The following PHACTR2 variants were observed in gnomAD, a reference collection of about 807,000 sequenced individuals.
PHACTR2 encodes phosphatase and actin regulator 2.
PHACTR2 carries 30 observed loss-of-function variants against 76.0 expected under a neutral mutation model. That is an observed-to-expected ratio of 0.39 (90% CI 0.30 to 0.54). The LOEUF (loss-of-function observed/expected upper bound fraction) is 0.54, where lower values mean the gene tolerates loss of function less well. Ranked by LOEUF, PHACTR2 falls within the 20% of genes least tolerant of loss-of-function variation. The pLI is 0.61. For missense variants in PHACTR2, 696 were observed against 781.1 expected (o/e 0.89, Z 1.30); for synonymous variants, 292 against 292.5 (o/e 1.00, Z 0.02).
rs115937659 is a variant in PHACTR2, at chr6:143,658,293, G to A, written c.13+49971G>A. 4.9e-3 allele frequency among the ~76,000 whole-genome samples: 739 copies of A among 152,264 alleles called. 8 individuals are homozygous for A. Among genetic ancestry groups the A allele is most frequent in the African/African-American group, 0.017 (694 of 41,556 alleles). ...TAGAAATACACCTTCAAATTAACAA[G>A]GGAAATTCAGGTGAAACTTAAATAT... On this transcript the variant is annotated intron_variant, in intron 1 of 11. Transcript: ENST00000305766. This position sits in a 1 kb window ranked among gnomAD's most constrained non-coding sequence, Gnocchi z 4.1.
intron 1 of PHACTR2, among the ~76,000 whole-genome samples, chr6:143,642,594 C>A (rs984119686): frequency 6.6e-6 from 1 of 152,138 alleles, no homozygotes; most frequent in Non-Finnish European, 1.5e-5. Flanking sequence ...AGGGTTGTTG[C>A]AGATGTAATT....
chr6:143,650,012 G>T (rs1776730588), intron 1 of PHACTR2, among the ~76,000 whole-genome samples: 1 of 152,144 alleles, frequency 6.6e-6, no homozygotes, highest in African/African-American at 2.4e-5. Context: ...CACAATCAAT[G>T]TACAAAAATT....
Position 143,597,525 on chromosome 6 carries a change from C to T in PHACTR2, c.217+60318C>T, listed in dbSNP as rs12527327. On this transcript the variant is annotated intron_variant, in intron 1 of 11. Transcript: ENST00000367584. This position sits in a 1 kb window ranked among gnomAD's most constrained non-coding sequence, Gnocchi z 5.7. ...TTGGAATAAGGTGTATTACATATGT[C>T]ATCTTTGCAGAGTTCAGTTGTAATT... Among the ~76,000 whole-genome samples the T allele has an allele frequency of 5.9e-5, 9 of 152,066 alleles. No individual in the cohort carries two copies. The highest frequency in any genetic ancestry group is 1.9e-4 in the African/African-American group (8 of 41,412).
chr6:143,724,661 C>T (rs1778518540), intron 2 of PHACTR2, among the ~76,000 whole-genome samples: 1 of 152,144 alleles, frequency 6.6e-6, no homozygotes, highest in African/African-American at 2.4e-5. Context: ...TTTTGGCAGC[C>T]CCTCTTGGAA....
At chr6:143,719,309 C>T (rs1374869342) in intron 2 of PHACTR2, among the ~76,000 whole-genome samples, 2 of 147,842 alleles carry the variant, frequency 1.4e-5, no homozygotes, top group African/African-American at 5.0e-5. Flanking sequence ...CACAGCACAT[C>T]TAGATCCACA....
chr6:143,541,774 A>G lies in PHACTR2; in HGVS notation c.217+4567A>G, dbSNP rs983461535. Among the ~76,000 whole-genome samples, 2 of 152,070 alleles carry G rather than the reference A, an allele frequency of 1.3e-5. No homozygotes were observed. The highest frequency in any genetic ancestry group is 4.8e-5 in the African/African-American group (2 of 41,432). ...CCACTTCCATGAGATACTGCTGTCC[A>G]AGACCAGTTCTGCTGTTGGGTCACC... On this transcript the variant is annotated intron_variant, in intron 1 of 11. Coordinates refer to the PHACTR2 transcript ENST00000367584. This position sits in a 1 kb window ranked among gnomAD's most constrained non-coding sequence, Gnocchi z 5.3.
At chr6:143,661,033 T>A (rs976719987) in intron 1 of PHACTR2, among the ~76,000 whole-genome samples, 1 of 152,192 alleles carries the variant, frequency 6.6e-6, no homozygotes, top group African/African-American at 2.4e-5. Context: ...ACTCTTCAAA[T>A]GGCAATATCA....
chr6:143,740,508 T>TAAAAAAAAAAAAAAAAAAAAA (rs10638908), intron 2 of PHACTR2, among the ~76,000 whole-genome samples: 1 of 128,686 alleles, frequency 7.8e-6, no homozygotes, highest in African/African-American at 2.9e-5. Context: ...TCCTTTTAAT[T>TAAAAAAAAAAAAAAAAAAAAA]AAAAAAAAAA....
chr6:143,545,453 G>A (rs1050043073), intron 1 of PHACTR2, among the ~76,000 whole-genome samples: 14 of 152,220 alleles, frequency 9.2e-5, no homozygotes, highest in African/African-American at 2.9e-4. Flanking sequence ...GGATGCAAGA[G>A]TGTAGGCAAA....
chr6:143,788,841 A>C lies in PHACTR2; in HGVS notation c.1776A>C (p.Glu592Asp). The C allele has an allele frequency of 6.2e-7, 1 of 1,613,882 alleles. No individual in the cohort carries two copies. The change falls in exon 11 of 13, where the codon GAA becomes GAC. Residue 592 changes from glutamate to aspartate, a missense_variant. Glu to Asp is a conservative substitution (Grantham distance 45, BLOSUM62 2). Coordinates refer to ENST00000440869, the MANE Select transcript of PHACTR2 (RefSeq NM_001100164.2). ...TCCTGCGATTTAACGAGTATGTAGA[A>C]GTCACGGATTCTCCTGACTATGACC... ...RRILRFNEYV[E>D]VTDSPDYDRR...
upstream of PHACTR2, among the ~76,000 whole-genome samples, chr6:143,607,091 T>C (rs1389496146): frequency 6.6e-6 from 1 of 152,182 alleles, no homozygotes; most frequent in Non-Finnish European, 1.5e-5. Context: ...CACTAGGAAT[T>C]CCAATGGCAT....
chr6:143,770,095 A>G (rs757776565), intron 6 of PHACTR2, among the ~76,000 whole-genome samples: 1 of 152,230 alleles, frequency 6.6e-6, no homozygotes, highest in Non-Finnish European at 1.5e-5. Flanking sequence ...GTGAAAACAT[A>G]CAGATGTGTA....
intron 1 of PHACTR2, among the ~76,000 whole-genome samples, chr6:143,613,874 C>G (rs1305014678): frequency 6.6e-6 from 1 of 152,134 alleles, no homozygotes. Flanking sequence ...AGCATTCAGG[C>G]AATTTTAAGA....
Position 143,789,901 on chromosome 6 carries a change from TAGAAG to T in PHACTR2, c.1845+997_1845+1001del, listed in dbSNP as rs1403833272. ...AAAGGAAGAATGTTCAGAACAAGAA[TAGAAG>T]AGAAGGAGGCTGAGAAAAGCACTCC... On this transcript the variant is annotated intron_variant, in intron 11 of 12. Transcript: ENST00000440869. The surrounding 1 kb of genome is among the most constrained non-coding windows in gnomAD (Gnocchi z 5.1). 1.3e-5 allele frequency among the ~76,000 whole-genome samples: 2 copies of T among 151,994 alleles called. No individual in the cohort carries two copies. Among genetic ancestry groups the T allele is most frequent in the Non-Finnish European group, 2.9e-5 (2 of 68,012 alleles).
rs140480485 is a variant in PHACTR2, at chr6:143,661,923, A to G, written c.14-50093A>G. Among the ~76,000 whole-genome samples the G allele has an allele frequency of 4.7e-3, 718 of 151,908 alleles. 7 individuals are homozygous for G. The highest frequency in any genetic ancestry group is 0.013 in the South Asian group (61 of 4,806). ...ACCTGGAAAATTTGGAGGAATGAAAACCCCTCAGCAAAAGACCCTCATTGC... is the reference window on the plus strand; with the variant it reads ...ACCTGGAAAATTTGGAGGAATGAAAGCCCCTCAGCAAAAGACCCTCATTGC... On this transcript the variant is annotated intron_variant, in intron 1 of 11. Coordinates refer to the PHACTR2 transcript ENST00000305766.
At position 143,626,536 on chromosome 6, in the gene PHACTR2, C is replaced by CAAAAAAAAAAAAAAAAAAAAAAA. The variant is rs35107482; in HGVS notation, c.13+18229_13+18230insAAAAAAAAAAAAAAAAAAAAAAA. Among the ~76,000 whole-genome samples the CAAAAAAAAAAAAAAAAAAAAAAA allele has an allele frequency of 2.5e-3, 300 of 122,070 alleles. 2 individuals are homozygous for CAAAAAAAAAAAAAAAAAAAAAAA. The highest frequency in any genetic ancestry group is 3.2e-3 in the Non-Finnish European group (192 of 60,112). The allele number at this position is 122,070 out of a possible 152,430, so 80.1% of individuals were successfully genotyped here. On this transcript the variant is annotated intron_variant, in intron 1 of 11. Transcript: ENST00000305766. ...TGGGCAGCAGAGCGAGACTCCGTCT[C>CAAAAAAAAAAAAAAAAAAAAAAA]AAAAAAAAAAAAAAATTAGCACAAA...
rs777391878 is a variant in PHACTR2 at position 143,755,300 on chromosome 6, G to T, written c.454+1388G>T. On this transcript the variant is annotated intron_variant, in intron 4 of 12. Transcript: ENST00000440869. This position sits in a 1 kb window ranked among gnomAD's most constrained non-coding sequence, Gnocchi z 5.2. ...TGTTTAAGTCTTTCTGTCCTGTCTC[G>T]CCAGACTGTTGAATTTCAAATCCAT... 1 of 455,932 alleles carries T rather than the reference G, an allele frequency of 2.2e-6. No individual in the cohort carries two copies. The highest frequency in any genetic ancestry group is 4.4e-6 in the Non-Finnish European group (1 of 226,780). The allele number at this position is 455,932 out of a possible 1,614,324, so 28.2% of individuals were successfully genotyped here.
Position 143,738,496 on chromosome 6 carries a change from G to T in PHACTR2, c.215-10489G>T, listed in dbSNP as rs1224092390. ...AGTTGGGACCAGCACAGTGACTCATGCCTGTAATCCTAGCACTTTGGGAGG... is the reference window on the plus strand; with the variant it reads ...AGTTGGGACCAGCACAGTGACTCATTCCTGTAATCCTAGCACTTTGGGAGG... On this transcript the variant is annotated intron_variant, in intron 2 of 12. Coordinates refer to ENST00000440869, the MANE Select transcript of PHACTR2 (RefSeq NM_001100164.2). This position sits in a 1 kb window ranked among gnomAD's most constrained non-coding sequence, Gnocchi z 4.0. Among the ~76,000 whole-genome samples, 1 of 152,044 alleles carries T rather than the reference G, an allele frequency of 6.6e-6. No individual in the cohort carries two copies. Among genetic ancestry groups the T allele is most frequent in the Non-Finnish European group, 1.5e-5 (1 of 68,020 alleles).
intron 2 of PHACTR2, among the ~76,000 whole-genome samples, chr6:143,726,710 A>G (rs1192592665): frequency 1.3e-5 from 2 of 152,176 alleles, no homozygotes; most frequent in African/African-American, 4.8e-5. Flanking sequence ...TGCTCTGAAC[A>G]TAGGTGTGCT....
Sources: allele counts gnomAD v4.1 joint callset (sites outside exome capture counted in the v4.1 genomes callset), GRCh38; gene constraint gnomAD v4.1.1; non-coding constraint Gnocchi (gnomAD v3.1); transcripts MANE v1.5; gene names NCBI Gene and HGNC (gene_info 2026-07-23, HGNC 2026-07-21).